Variants in NFIC observed in about 807,000 individuals in gnomAD.
The protein encoded by NFIC is nuclear factor I C, also known as nuclear factor 1 C-type.
NFIC carries 12 observed loss-of-function variants against 54.4 expected under a neutral mutation model. The observed-to-expected ratio is 0.22, with a 90% confidence interval of 0.14 to 0.36. NFIC has a LOEUF of 0.36. Among genes scored for constraint, NFIC ranks in the 10% least tolerant of loss-of-function variants. The pLI is 1.00. For synonymous variants in NFIC, 322 were observed against 319.2 expected, an observed-to-expected ratio of 1.01 and a Z score of -0.09; for missense variants, 575 against 718.2, an observed-to-expected ratio of 0.80 and a Z score of 2.28.
intron 1 of NFIC, 108 bp downstream of exon 1, chr19:3,366,774 G>A (rs886517109): frequency 4.4e-5 from 33 of 751,604 alleles, no homozygotes; most frequent in Admixed American, 8.8e-5. Context: ...CGTCCCTCCC[G>A]CCATCCCTGC....
chr19:3,385,573 G>GT (rs569020735), intron 2 of NFIC, among the ~76,000 whole-genome samples: 1,446 of 109,230 alleles, frequency 0.013, 43 homozygotes, highest in African/African-American at 0.037. Context: ...GGTTGTTGTT[G>GT]TTTTTTTTTT....
At position 3,429,741 on chromosome 19, in the gene NFIC, C is replaced by T. The variant is rs2082092235; in HGVS notation, c.635-3777C>T. On this transcript the variant is annotated intron_variant, in intron 3 of 10. Transcript: ENST00000443272. Reference sequence around the variant, plus strand: ...ACCCAAAAGCCAAGAGCCTGTCCCACCTCCAAACCTACCAGGCTCCCTGGC... The same window carrying T: ...ACCCAAAAGCCAAGAGCCTGTCCCATCTCCAAACCTACCAGGCTCCCTGGC... 2.0e-5 allele frequency among the ~76,000 whole-genome samples: 3 copies of T among 152,204 alleles called. No individual in the cohort carries two copies. The South Asian group carries it at 6.2e-4, about 32-fold the overall frequency.
chr19:3,446,848 A>G (rs1599708794), intron 6 of NFIC, among the ~76,000 whole-genome samples: 2 of 152,022 alleles, frequency 1.3e-5, no homozygotes, highest in African/African-American at 2.4e-5. Flanking sequence ...CCTGGGCAAC[A>G]TAGCAAGACC....
rs1376200753 is a variant in NFIC, at chr19:3,456,568, C to T, written c.1442C>T (p.Thr481Met). 6 of 1,553,282 alleles carry T rather than the reference C, an allele frequency of 3.9e-6. No homozygotes were observed. Among genetic ancestry groups the T allele is most frequent in the South Asian group, 2.4e-5 (2 of 84,182 alleles). Residue 481 changes from threonine to methionine, a missense_variant, in exon 10 of 11, where the codon ACG (threonine) becomes ATG (methionine). By Grantham distance (81) the Thr-to-Met change is moderately conservative. Coordinates refer to ENST00000443272, the MANE Select transcript of NFIC (RefSeq NM_001245002.2). ...CCTGCAGCCTACTCTCCGCCCGACA[C>T]GTCCCCTGCAAACCGTTCCTTTGTG... ...PTSPSYSPPD[T>M]SPANRSFVGL...
intron 6 of NFIC, among the ~76,000 whole-genome samples, chr19:3,439,782 G>A (rs1388690801): frequency 2.1e-5 from 3 of 141,724 alleles, no homozygotes; most frequent in East Asian, 2.2e-4. Flanking sequence ...TCCGCCTCCC[G>A]GGTTCATGCC....
intron 2 of NFIC, among the ~76,000 whole-genome samples, chr19:3,401,512 C>T (rs1243977589): frequency 6.6e-6 from 1 of 152,210 alleles, no homozygotes; most frequent in Non-Finnish European, 1.5e-5. Context: ...TGCCCCGTCT[C>T]CTGCCTGCAA....
At chr19:3,415,279 A>G (rs940299956) in intron 2 of NFIC, among the ~76,000 whole-genome samples, 1 of 144,636 alleles carries the variant, frequency 6.9e-6, no homozygotes, top group Non-Finnish European at 1.5e-5. Context: ...CACCCAGCTA[A>G]TTTTTTTTTT....
chr19:3,414,123 A>G (rs911255498), intron 2 of NFIC, among the ~76,000 whole-genome samples: 7 of 152,146 alleles, frequency 4.6e-5, no homozygotes, highest in Admixed American at 3.3e-4. Flanking sequence ...TGCAGCTCCA[A>G]TGTACAGATG....
chr19:3,467,790 A>ATATATATATATATATATAT lies in NFIC; in HGVS notation c.*5022_*5023insATATATATATATATATATT, dbSNP rs1555685990. ...ATATATATATATATATATATATATA[A>ATATATATATATATATATAT]TTTTGGAATTTGTTTCTCATAATAC... On this transcript the variant is annotated 3_prime_UTR_variant, in exon 11 of 11. Coordinates refer to ENST00000443272, the MANE Select transcript of NFIC (RefSeq NM_001245002.2). 12 of 45,112 alleles carry ATATATATATATATATATAT rather than the reference A, an allele frequency of 2.7e-4. No individual in the cohort carries two copies. Among genetic ancestry groups the ATATATATATATATATATAT allele is most frequent in the African/African-American group, 1.1e-3 (8 of 7,154 alleles). The allele number at this position is 45,112 out of a possible 1,614,324, so 2.8% of individuals were successfully genotyped here. A position where few individuals can be genotyped will look rare whatever the true frequency, so the allele number is the denominator to read the frequency against.
intron 2 of NFIC, among the ~76,000 whole-genome samples, chr19:3,401,750 C>G (rs2081560021): frequency 6.6e-6 from 1 of 151,156 alleles, no homozygotes; most frequent in African/African-American, 2.4e-5. Flanking sequence ...TAGACAGAGT[C>G]TCGCTCTGTC....
intron 6 of NFIC, among the ~76,000 whole-genome samples, chr19:3,446,793 A>G (rs2082379243): frequency 6.6e-6 from 1 of 152,088 alleles, no homozygotes; most frequent in South Asian, 2.1e-4. Context: ...GCACTTTGAG[A>G]GACCAAGGCA....
At chr19:3,450,635 A>G (rs999920859) in intron 7 of NFIC, among the ~76,000 whole-genome samples, 23 of 152,152 alleles carry the variant, frequency 1.5e-4, no homozygotes, top group African/African-American at 5.1e-4. Context: ...AGCCTGGGCA[A>G]CAGAGCAAGA....
At chr19:3,426,297 T>G (rs1400428737) in intron 3 of NFIC, among the ~76,000 whole-genome samples, 1 of 152,044 alleles carries the variant, frequency 6.6e-6, no homozygotes, top group Non-Finnish European at 1.5e-5. Context: ...CAGACTGGTC[T>G]CAAACTCCTG....
At chr19:3,462,259 G>A (rs940578715) in intron 10 of NFIC, among the ~76,000 whole-genome samples, 2 of 151,562 alleles carry the variant, frequency 1.3e-5, no homozygotes, top group South Asian at 2.1e-4. Context: ...GTGGACGCCT[G>A]TAATCCCAGC....
At chr19:3,368,702 A>G (rs1210836391) in intron 1 of NFIC, among the ~76,000 whole-genome samples, 1 of 151,938 alleles carries the variant, frequency 6.6e-6, no homozygotes, top group African/African-American at 2.4e-5. Flanking sequence ...CCTGAATGTA[A>G]TCCCCACTGT....
At chr19:3,366,452 G>C, upstream of NFIC, 1 of 502,826 alleles carries the variant, frequency 2.0e-6, no homozygotes, top group East Asian at 3.6e-5. Flanking sequence ...AGCGAGGCGG[G>C]CGGCGCGAGA....
At chr19:3,360,724 G>A (rs2080800025) in intron 1 of NFIC, among the ~76,000 whole-genome samples, 1 of 151,746 alleles carries the variant, frequency 6.6e-6, no homozygotes, top group South Asian at 2.1e-4. Flanking sequence ...TGGATAACTG[G>A]GCGACTGTGC....
intron 2 of NFIC, among the ~76,000 whole-genome samples, chr19:3,398,668 TACG>T (rs553547538): frequency 7.9e-4 from 121 of 152,214 alleles, no homozygotes; most frequent in African/African-American, 2.7e-3. Context: ...TCCGGGTGGC[TACG>T]ACGCTCCCGT....
chr19:3,463,213 C>G lies in NFIC; in HGVS notation c.*444C>G. ...CTGTCCGGAGACCAGGTGAGCACAG[C>G]CTGGAGCCTGTGCCCAGGGCCGACA... is the stretch of plus-strand genomic sequence containing the variant. On this transcript the variant is annotated 3_prime_UTR_variant, in exon 11 of 11. Transcript: ENST00000443272. 1 of 1,006,942 alleles carries G rather than the reference C, an allele frequency of 9.9e-7. No homozygotes were observed. The highest frequency in any genetic ancestry group is 1.2e-6 in the Non-Finnish European group (1 of 844,694). 62.4% of individuals were successfully genotyped at this position (1,006,942 alleles called of 1,614,324 possible).
Sources: allele counts gnomAD v4.1 joint callset (sites outside exome capture counted in the v4.1 genomes callset), GRCh38; gene constraint gnomAD v4.1.1; transcripts MANE v1.5; gene names NCBI Gene and HGNC (gene_info 2026-07-23, HGNC 2026-07-21).